Variants in PTPRD observed in about 807,000 individuals in gnomAD.
The protein encoded by PTPRD is receptor-type tyrosine-protein phosphatase delta.
PTPRD carries 34 observed loss-of-function variants against 214.5 expected under a neutral mutation model. That is an observed-to-expected ratio of 0.16 (90% CI 0.12 to 0.21). The LOEUF is 0.21. Ranked by LOEUF, PTPRD falls within the 10% of genes least tolerant of loss-of-function variation. PTPRD has a pLI of 1.00. For missense variants in PTPRD, 2,545 were observed against 2,398.7 expected, an observed-to-expected ratio of 1.06 and a Z score of -1.27; for synonymous variants, 1,128 against 845.7, an observed-to-expected ratio of 1.33 and a Z score of -5.79.
chr9:8,872,197 A>G (rs1288025647), intron 11 of PTPRD, among the ~76,000 whole-genome samples: 1 of 152,174 alleles, frequency 6.6e-6, no homozygotes, highest in African/African-American at 2.4e-5. Context: ...AAGGGTGAGG[A>G]ATGTGACAGT....
At chr9:10,073,993 G>A (rs540828822) in intron 3 of PTPRD, among the ~76,000 whole-genome samples, 1 of 152,210 alleles carries the variant, frequency 6.6e-6, no homozygotes, top group East Asian at 1.9e-4. Flanking sequence ...TTGATAAGAG[G>A]TAAAGTGCAC....
chr9:10,594,625 T>G (rs2076217574), intron 2 of PTPRD, among the ~76,000 whole-genome samples: 1 of 151,988 alleles, frequency 6.6e-6, no homozygotes, highest in South Asian at 2.1e-4. Flanking sequence ...TGAGAACGAA[T>G]GGCTTACAAT....
intron 35 of PTPRD, among the ~76,000 whole-genome samples, chr9:8,427,953 G>A (rs570220489): frequency 6.6e-6 from 1 of 152,244 alleles, no homozygotes; most frequent in Admixed American, 6.5e-5. Context: ...AGACTACTGA[G>A]TACTGGTGTC....
At chr9:9,669,590 A>T (rs551146437) in intron 7 of PTPRD, among the ~76,000 whole-genome samples, 2 of 152,302 alleles carry the variant, frequency 1.3e-5, no homozygotes, top group South Asian at 2.1e-4. Context: ...ACTTGTTAAA[A>T]ATATCAGATT....
chr9:8,453,243 A>C (rs2096034987), intron 33 of PTPRD, among the ~76,000 whole-genome samples: 1 of 152,184 alleles, frequency 6.6e-6, no homozygotes, highest in African/African-American at 2.4e-5. Flanking sequence ...GGCTCACTGC[A>C]AGCTCTGCCT....
intron 11 of PTPRD, 95 bp from the exon 12 acceptor site, chr9:8,734,041 G>C: frequency 3.3e-6 from 2 of 597,322 alleles, no homozygotes; most frequent in South Asian, 2.0e-5. Context: ...CAATCACCAT[G>C]ACAGACACAA....
chr9:9,313,693 T>C (rs1198654339), intron 9 of PTPRD, among the ~76,000 whole-genome samples: 1 of 152,126 alleles, frequency 6.6e-6, no homozygotes, highest in African/African-American at 2.4e-5. Flanking sequence ...AGAGAAGGTG[T>C]TTACATTATA....
chr9:9,196,046 G>A (rs757301500), intron 9 of PTPRD, among the ~76,000 whole-genome samples: 10 of 152,118 alleles, frequency 6.6e-5, no homozygotes, highest in Non-Finnish European at 1.3e-4. Context: ...AAGATGGGGA[G>A]GCCAAGATTC....
chr9:8,657,248 A>G (rs2096930026), intron 12 of PTPRD, among the ~76,000 whole-genome samples: 4 of 148,212 alleles, frequency 2.7e-5, no homozygotes, highest in South Asian at 2.1e-4. Flanking sequence ...GCTCACTGCA[A>G]CCTCTGCCTC....
intron 12 of PTPRD, among the ~76,000 whole-genome samples, chr9:8,693,485 T>C (rs1279776863): frequency 3.3e-5 from 5 of 152,224 alleles, no homozygotes; most frequent in East Asian, 1.9e-4. Flanking sequence ...GCATTCACTA[T>C]GTTTTTTCAT....
chr9:10,017,741 A>T (rs528688135), intron 4 of PTPRD, among the ~76,000 whole-genome samples: 1 of 152,228 alleles, frequency 6.6e-6, no homozygotes, highest in South Asian at 2.1e-4. Flanking sequence ...TTTCTGTATT[A>T]CTAAACCAAT....
intron 7 of PTPRD, among the ~76,000 whole-genome samples, chr9:9,604,764 A>C (rs1421759156): frequency 6.6e-6 from 1 of 152,020 alleles, no homozygotes; most frequent in African/African-American, 2.4e-5. Context: ...ATCCATTTCT[A>C]TGGCTAAAAG....
chr9:10,072,824 AATT>A (rs2098054120), intron 3 of PTPRD, among the ~76,000 whole-genome samples: 1 of 152,098 alleles, frequency 6.6e-6, no homozygotes, highest in Admixed American at 6.6e-5. Context: ...CATACGATCC[AATT>A]ATCACTTTCT....
chr9:10,211,821 G>C (rs1034494082), intron 3 of PTPRD, among the ~76,000 whole-genome samples: 2 of 152,066 alleles, frequency 1.3e-5, no homozygotes, highest in African/African-American at 4.8e-5. Context: ...AGAGGGGGGT[G>C]AGGGATGAGA....
At chr9:8,778,152 T>C (rs1351920685) in intron 11 of PTPRD, among the ~76,000 whole-genome samples, 1 of 152,238 alleles carries the variant, frequency 6.6e-6, no homozygotes, top group Non-Finnish European at 1.5e-5. Flanking sequence ...TTTTATGTCA[T>C]ATATATGTAT....
intron 3 of PTPRD, among the ~76,000 whole-genome samples, chr9:10,034,328 T>C (rs2097136944): frequency 2.0e-5 from 3 of 151,900 alleles, no homozygotes; most frequent in East Asian, 3.9e-4. Context: ...CTATTCCTTC[T>C]GCTAAATCAT....
intron 7 of PTPRD, among the ~76,000 whole-genome samples, chr9:9,579,452 G>T (rs1195140198): frequency 6.6e-6 from 1 of 151,994 alleles, no homozygotes; most frequent in Non-Finnish European, 1.5e-5. Flanking sequence ...TTAAGATCTG[G>T]GGTACACATA....
At chr9:8,511,760 G>T (rs975938847) in intron 21 of PTPRD, among the ~76,000 whole-genome samples, 5 of 152,082 alleles carry the variant, frequency 3.3e-5, no homozygotes, top group African/African-American at 9.7e-5. Flanking sequence ...GTAAAAGTAT[G>T]TCCGCCCTCT....
At chr9:10,163,967 A>C (rs988505602) in intron 3 of PTPRD, among the ~76,000 whole-genome samples, 2 of 151,462 alleles carry the variant, frequency 1.3e-5, no homozygotes, top group Non-Finnish European at 3.0e-5. Flanking sequence ...TGTGTATTGT[A>C]GTCTATATGG....
Sources: allele counts gnomAD v4.1 joint callset (sites outside exome capture counted in the v4.1 genomes callset), GRCh38; gene constraint gnomAD v4.1.1; transcripts MANE v1.5; gene names NCBI Gene and HGNC (gene_info 2026-07-23, HGNC 2026-07-21).